NTHL1: variants seen among roughly 807,000 people sequenced by gnomAD.
The protein encoded by NTHL1 is nth like DNA glycosylase 1, also known as endonuclease III-like protein 1.
Under a neutral mutation model 32.3 loss-of-function variants are expected in NTHL1, and 32 were observed. The observed-to-expected ratio is 0.99, with a 90% CI of 0.75 to 1.33. NTHL1 has a LOEUF of 1.33. NTHL1 is among the 40% of genes most tolerant of loss of function. The pLI is 0.00. For synonymous variants in NTHL1, 188 were observed against 176.9 expected (o/e 1.06, Z -0.50); for missense variants, 501 against 414.1 (o/e 1.21, Z -1.82).
In NTHL1 at chr16:2,043,753, T is replaced by C; in HGVS notation, c.526-27A>G. On this transcript the variant is annotated intron_variant, in intron 3 of 5. Coordinates refer to ENST00000651570, the MANE Select transcript of NTHL1 (RefSeq NM_002528.7). This position sits in a 1 kb window ranked among gnomAD's most constrained non-coding sequence, Gnocchi z 4.4. ...TGAAAGACAGGGGTGGGTTCAGCCTTGGAGGCAAGGGCACAGCCCAACCTG... is the reference window on the plus strand; with the variant it reads ...TGAAAGACAGGGGTGGGTTCAGCCTCGGAGGCAAGGGCACAGCCCAACCTG... 6.2e-7 allele frequency: 1 copy of C among 1,609,426 alleles called. No homozygotes were observed. The highest frequency in any genetic ancestry group is 8.5e-7 in the Non-Finnish European group (1 of 1,179,866).
Position 2,047,700 on chromosome 16 carries a change from C to T in NTHL1, c.115+9G>A, listed in dbSNP as rs1393884097. The T allele has an allele frequency of 2.5e-6, 4 of 1,572,260 alleles. No homozygotes were observed. The highest frequency in any genetic ancestry group is 2.0e-4 in the Middle Eastern group (1 of 5,020). On this transcript the variant is annotated intron_variant, in intron 1 of 5. Transcript: ENST00000651570. Reference sequence around the variant, plus strand: ...CTCCTCCCACGCTCCAGCCACGGCGCGGCGCTACCTGCTGCAGCCTCTCTT... The same window carrying T: ...CTCCTCCCACGCTCCAGCCACGGCGTGGCGCTACCTGCTGCAGCCTCTCTT...
chr16:2,046,258 T>A lies in NTHL1; in HGVS notation c.224A>T (p.Lys75Met). 1 of 1,613,270 alleles carries A rather than the reference T, an allele frequency of 6.2e-7. No individual in the cohort carries two copies. Among genetic ancestry groups the A allele is most frequent in the South Asian group, 1.1e-5 (1 of 91,082 alleles). ...GTCCTGGGGCTCCCAGACTGGCACC[T>A]TGAGGGGCTCAGCCCCCTCACCTTT... ...SEKGEGAEPL[K>M]VPVWEPQDWQ... The change falls in exon 2 of 6, where the codon AAG becomes ATG. Residue 75 changes from lysine (K) to methionine (M), a missense_variant. Coordinates refer to ENST00000651570, the MANE Select transcript of NTHL1 (RefSeq NM_002528.7).
chr16:2,042,282 A>C, intron 4 of NTHL1: 1 of 354,518 alleles, frequency 2.8e-6, no homozygotes, highest in Non-Finnish European at 5.6e-6. Context: ...GGACACGGGC[A>C]GCTGAGGACA....
intron 1 of NTHL1, chr16:2,047,077 C>T (rs961370898): frequency 6.5e-6 from 1 of 153,006 alleles, no homozygotes; most frequent in Non-Finnish European, 1.5e-5. Context: ...GCATCACCAC[C>T]TGCCTGCTCC....
chr16:2,046,494 G>A, intron 1 of NTHL1, 128 bp from the exon 2 acceptor site: 1 of 849,090 alleles, frequency 1.2e-6, no homozygotes, highest in Non-Finnish European at 1.8e-6. Context: ...ATACACTTGG[G>A]GTGCTCTGCC....
rs1377761428 is a variant in NTHL1 at position 2,044,677 on chromosome 16, C to T, written c.478G>A (p.Asp160Asn). The T allele has an allele frequency of 2.5e-6, 4 of 1,611,454 alleles. No individual in the cohort carries two copies. Among genetic ancestry groups the T allele is most frequent in the Non-Finnish European group, 3.4e-6 (4 of 1,179,954 alleles). ...GLTVDSILQT[D>N]DATLGKLIYP... ...ATGAGCTTGCCCAGCGTGGCATCATCTGTCTGCAGGATGCTGTCCACCGTC... is the reference window on the plus strand; with the variant it reads ...ATGAGCTTGCCCAGCGTGGCATCATTTGTCTGCAGGATGCTGTCCACCGTC... The change falls in exon 3 of 6, where the codon GAT (aspartate) becomes AAT (asparagine). Residue 160 changes from aspartate (D) to asparagine (N), a missense_variant. Physicochemically the swap from Asp to Asn is conservative, Grantham distance 23. Coordinates refer to ENST00000651570, the MANE Select transcript of NTHL1 (RefSeq NM_002528.7). This position sits in a 1 kb window ranked among gnomAD's most constrained non-coding sequence, Gnocchi z 5.0.
intron 2 of NTHL1, among the ~76,000 whole-genome samples, chr16:2,045,684 G>A (rs566421669): frequency 1.3e-5 from 2 of 152,220 alleles, no homozygotes; most frequent in South Asian, 2.1e-4. Context: ...TGATCCACCC[G>A]CCTTGGCCTC....
chr16:2,047,686 C>G, intron 1 of NTHL1, 23 bp downstream of exon 1: 2 of 1,562,964 alleles, frequency 1.3e-6, no homozygotes, highest in Non-Finnish European at 1.7e-6. Flanking sequence ...TCCTCCCACG[C>G]TCCAGCCACG....
chr16:2,046,815 T>C (rs1186000554), intron 1 of NTHL1: 1 of 158,496 alleles, frequency 6.3e-6, no homozygotes, highest in Non-Finnish European at 1.4e-5. Context: ...CTACTAAAAA[T>C]ACAAAAGTTA....
intron 4 of NTHL1, among the ~76,000 whole-genome samples, chr16:2,042,680 G>C (rs1248417514): frequency 6.6e-6 from 1 of 152,108 alleles, no homozygotes; most frequent in Non-Finnish European, 1.5e-5. Flanking sequence ...CCCAAACCCA[G>C]GGGTCTGTCT....
Position 2,044,176 on chromosome 16 carries a change from C to G in NTHL1, c.526-450G>C. On this transcript the variant is annotated intron_variant, in intron 3 of 5. Coordinates refer to ENST00000651570, the MANE Select transcript of NTHL1 (RefSeq NM_002528.7). This position sits in a 1 kb window ranked among gnomAD's most constrained non-coding sequence, Gnocchi z 5.0. ...AACCCATCTGAGAAACTGCGGCCCA[C>G]GCGGGTGCCAAGGGGAAGCGGCCCC... is the stretch of plus-strand genomic sequence containing the variant. 6.2e-6 allele frequency: 2 copies of G among 320,950 alleles called. No homozygotes were observed. Among genetic ancestry groups the G allele is most frequent in the South Asian group, 3.1e-5 (1 of 31,760 alleles). 19.9% of individuals were successfully genotyped at this position (320,950 alleles called of 1,614,324 possible). A position where few individuals can be genotyped will look rare whatever the true frequency, so the allele number is the denominator to read the frequency against.
Position 2,044,695 on chromosome 16 carries a change from C to G in NTHL1, c.460G>C (p.Asp154His), listed in dbSNP as rs757736619. 6 of 1,612,198 alleles carry G rather than the reference C, an allele frequency of 3.7e-6. No individual in the cohort carries two copies. Among genetic ancestry groups the G allele is most frequent in the Non-Finnish European group, 5.1e-6 (6 of 1,179,960 alleles). The stretch of plus-strand genomic sequence containing the variant: ...GCATCATCTGTCTGCAGGATGCTGT[C>G]CACCGTCAGGCCCCGCGCCCGCAGT... ...QRLRARGLTVDSILQTDDATL... is the reference protein window; with the variant it reads ...QRLRARGLTVHSILQTDDATL... The change falls in exon 3 of 6, where the codon GAC becomes CAC. Residue 154 changes from aspartate (D) to histidine (H), a missense_variant. Coordinates refer to ENST00000651570, the MANE Select transcript of NTHL1 (RefSeq NM_002528.7). This position sits in a 1 kb window ranked among gnomAD's most constrained non-coding sequence, Gnocchi z 5.0.
intron 2 of NTHL1, among the ~76,000 whole-genome samples, chr16:2,045,616 T>C (rs1376099741): frequency 1.3e-5 from 2 of 152,210 alleles, no homozygotes; most frequent in South Asian, 2.1e-4. Flanking sequence ...TTTGTATTTT[T>C]AGTAGAGACG....
At position 2,040,146 on chromosome 16, in the gene NTHL1, C is replaced by T. The variant is rs2084241437; in HGVS notation, c.778G>A (p.Glu260Lys). 6.2e-7 allele frequency: 1 copy of T among 1,613,886 alleles called. No individual in the cohort carries two copies. Among genetic ancestry groups the T allele is most frequent in the African/African-American group, 1.3e-5 (1 of 75,060 alleles). Reference sequence around the variant, plus strand: ...ACATACTCATACCTAGGCAGCCACTCCTCCAGGGCGGCGCGGGTCTCCTCT... The same window carrying T: ...ACATACTCATACCTAGGCAGCCACTTCTCCAGGGCGGCGCGGGTCTCCTCT... ...SPEETRAALE[E>K]WLPRELWHEI... Residue 260 changes from glutamate to lysine, a missense_variant, in exon 5 of 6, where the codon GAG becomes AAG. By Grantham distance (56) the Glu-to-Lys change is moderately conservative (BLOSUM62 1). Coordinates refer to ENST00000651570, the MANE Select transcript of NTHL1 (RefSeq NM_002528.7).
chr16:2,041,171 C>T (rs763258143), intron 4 of NTHL1, among the ~76,000 whole-genome samples: 5 of 152,214 alleles, frequency 3.3e-5, no homozygotes, highest in South Asian at 2.1e-4. Context: ...AAAAGGTGTC[C>T]GAGGGTGTGG....
rs2084303793 is a variant in NTHL1 at position 2,043,862 on chromosome 16, C to G, written c.526-136G>C. On this transcript the variant is annotated intron_variant, in intron 3 of 5. Coordinates refer to ENST00000651570, the MANE Select transcript of NTHL1 (RefSeq NM_002528.7). This position sits in a 1 kb window ranked among gnomAD's most constrained non-coding sequence, Gnocchi z 4.4. ...ACGTGTGCAAGCTCAGCCCCCGCCC[C>G]CCAGGAGGCGGGAACAAGCGGAGGG... 1 of 1,059,334 alleles carries G rather than the reference C, an allele frequency of 9.4e-7. No individual in the cohort carries two copies. Among genetic ancestry groups the G allele is most frequent in the Non-Finnish European group, 1.4e-6 (1 of 721,404 alleles). 65.6% of individuals were successfully genotyped at this position (1,059,334 alleles called of 1,614,324 possible). A position where few individuals can be genotyped will look rare whatever the true frequency, so the allele number is the denominator to read the frequency against.
chr16:2,047,787 G>A lies in NTHL1; in HGVS notation c.37C>T (p.Arg13Trp), dbSNP rs3087469. The change falls in exon 1 of 6, where the codon CGG becomes TGG. Residue 13 changes from arginine to tryptophan, a missense_variant. Coordinates refer to ENST00000651570, the MANE Select transcript of NTHL1 (RefSeq NM_002528.7). ...ALSARMLTRS[R>W]SLGPGAGPRG... The stretch of plus-strand genomic sequence containing the variant: ...GGCCCAGCCCCGGGTCCCAGGCTCC[G>A]GCTCCGGGTCAGCATCCTCGCGCTC... 1.7e-4 allele frequency: 271 copies of A among 1,590,060 alleles called. No homozygotes were observed. The highest frequency in any genetic ancestry group is 2.0e-4 in the Non-Finnish European group (239 of 1,173,524).
At position 2,046,242 on chromosome 16, in the gene NTHL1, C is replaced by T; in HGVS notation, c.240G>A (p.Glu80=). The T allele has an allele frequency of 6.2e-7, 1 of 1,613,224 alleles. No homozygotes were observed. Among genetic ancestry groups the T allele is most frequent in the Non-Finnish European group, 8.5e-7 (1 of 1,180,000 alleles). The part of the protein sequence containing the change: ...GAEPLKVPVW[E]PQDWQQQLVN... ...CCAGCTGTTGCTGCCAGTCCTGGGG[C>T]TCCCAGACTGGCACCTTGAGGGGCT... Residue 80 remains glutamate, a synonymous_variant, in exon 2 of 6, where the codon GAG becomes GAA. Coordinates refer to ENST00000651570, the MANE Select transcript of NTHL1 (RefSeq NM_002528.7).
chr16:2,047,782 G>A lies in NTHL1; in HGVS notation c.42C>T (p.Ser14=), dbSNP rs898348644. ...LSARMLTRSR[S]LGPGAGPRGC... is the part of the protein sequence containing the mutation. Reference sequence around the variant, plus strand: ...CCCGCGGCCCAGCCCCGGGTCCCAGGCTCCGGCTCCGGGTCAGCATCCTCG... The same window carrying A: ...CCCGCGGCCCAGCCCCGGGTCCCAGACTCCGGCTCCGGGTCAGCATCCTCG... Residue 14 remains serine (S), a synonymous_variant, in exon 1 of 6, where the codon AGC becomes AGT. Coordinates refer to ENST00000651570, the MANE Select transcript of NTHL1 (RefSeq NM_002528.7). 3.8e-6 allele frequency: 6 copies of A among 1,588,784 alleles called. No individual in the cohort carries two copies. The highest frequency in any genetic ancestry group is 3.4e-5 in the Admixed American group (2 of 58,868).
Sources: gnomAD v4.1 joint callset for allele counts (sites outside exome capture counted in the v4.1 genomes callset) on GRCh38, gnomAD v4.1.1 for gene constraint, Gnocchi (gnomAD v3.1) non-coding constraint, MANE v1.5 for transcripts, NCBI Gene and HGNC (gene_info 2026-07-23, HGNC 2026-07-21) for gene names.